Variants in ACADL observed in about 807,000 individuals in gnomAD.
ACADL encodes the protein long-chain specific acyl-CoA dehydrogenase, mitochondrial.
ACADL carries 60 observed loss-of-function variants against 56.9 expected under a neutral mutation model. The ratio of observed to expected loss-of-function variants is 1.05; its 90% confidence interval spans 0.86 to 1.31. The LOEUF is 1.31. Among genes scored for constraint, ACADL ranks in the 50% most tolerant of loss-of-function variants. The pLI is 0.00. For missense variants in ACADL, 484 were observed against 525.5 expected, an observed-to-expected ratio of 0.92 and a Z score of 0.77; for synonymous variants, 158 against 179.7, an observed-to-expected ratio of 0.88 and a Z score of 0.97.
intron 8 of ACADL, among the ~76,000 whole-genome samples, chr2:210,196,119 G>C (rs983415162): frequency 6.6e-6 from 1 of 152,122 alleles, no homozygotes; most frequent in Non-Finnish European, 1.5e-5. Flanking sequence ...AGTCTCATGA[G>C]ATCTGATGGT....
intron 4 of ACADL, among the ~76,000 whole-genome samples, chr2:210,215,707 C>T (rs1689074711): frequency 6.6e-6 from 1 of 152,178 alleles, no homozygotes; most frequent in South Asian, 2.1e-4. Flanking sequence ...CATCTAAATT[C>T]GTTTTTCCCT....
intron 9 of ACADL, 127 bp downstream of exon 9, chr2:210,195,084 G>T (rs1391280280): frequency 3.3e-6 from 4 of 1,195,770 alleles, no homozygotes; most frequent in Non-Finnish European, 4.8e-6. Context: ...TTTTAAAGTG[G>T]AGTCTCACTT....
In ACADL at chr2:210,189,062, AATCAG is replaced by A; in HGVS notation, c.1200-13_1200-9del. ...CTGGCATCCACATAAGCTCTGGATA[AATCAG>A]ATGATTGAATGAATAAATAAAATAT... On this transcript the variant is annotated splice_polypyrimidine_tract_variant and intron_variant, in intron 10 of 10. Coordinates refer to ENST00000233710, the MANE Select transcript of ACADL (RefSeq NM_001608.4). 3.1e-6 allele frequency: 5 copies of A among 1,587,354 alleles called. No homozygotes were observed. The highest frequency in any genetic ancestry group is 4.3e-6 in the Non-Finnish European group (5 of 1,155,946).
intron 8 of ACADL, among the ~76,000 whole-genome samples, chr2:210,201,695 A>G (rs1404414239): frequency 6.6e-6 from 1 of 152,016 alleles, no homozygotes; most frequent in Non-Finnish European, 1.5e-5. Flanking sequence ...TCAAATCCCA[A>G]CTCCAGGTTT....
intron 4 of ACADL, among the ~76,000 whole-genome samples, chr2:210,214,503 G>GAAAGAAAGAAAGAA (rs1553691033): frequency 2.0e-5 from 3 of 150,510 alleles, no homozygotes; most frequent in South Asian, 4.2e-4. Context: ...AAGAAAGAAA[G>GAAAGAAAGAAAGAA]AAAGAAAAAG....
At chr2:210,217,219 T>C (rs1034160412) in intron 3 of ACADL, among the ~76,000 whole-genome samples, 5 of 152,174 alleles carry the variant, frequency 3.3e-5, no homozygotes, top group Admixed American at 2.0e-4. Context: ...AACATGACAA[T>C]GATTTCTGAA....
chr2:210,205,488 T>C (rs1688870026), intron 6 of ACADL, 144 bp downstream of exon 6: 3 of 760,416 alleles, frequency 3.9e-6, no homozygotes, highest in Non-Finnish European at 6.5e-6. Context: ...TGAGAATAAA[T>C]CTCATTACCA....
At chr2:210,203,978 A>G (rs1195130555) in intron 7 of ACADL, among the ~76,000 whole-genome samples, 2 of 152,220 alleles carry the variant, frequency 1.3e-5, no homozygotes, top group Admixed American at 1.3e-4. Flanking sequence ...GTGGAAATAA[A>G]CATCTTAAAG....
Position 210,205,659 on chromosome 2 carries a change from C to G in ACADL, c.741G>C (p.Lys247Asn). 6.2e-7 allele frequency: 1 copy of G among 1,613,882 alleles called. No homozygotes were observed. Among genetic ancestry groups the G allele is most frequent in the Non-Finnish European group, 8.5e-7 (1 of 1,179,904 alleles). ...NGMKGFIKGR[K>N]LHKMGLKAQD... ...GGGCTTTTAATCCCATTTTATGTAG[C>G]TTTCGTCCCTTGATAAATCCTTTCA... The change falls in exon 6 of 11, where the codon AAG becomes AAC. Residue 247 changes from lysine (K) to asparagine (N), a missense_variant. Lys to Asn is a moderately conservative substitution (Grantham distance 94). Transcript: ENST00000233710.
chr2:210,212,399 C>G (rs1027067647), intron 4 of ACADL, among the ~76,000 whole-genome samples: 1 of 152,008 alleles, frequency 6.6e-6, no homozygotes, highest in Non-Finnish European at 1.5e-5. Context: ...GCAAAGACTG[C>G]AGTGACGAGG....
Position 210,204,559 on chromosome 2 carries a change from G to A in ACADL, c.870+22C>T. 4 of 1,458,890 alleles carry A rather than the reference G, an allele frequency of 2.7e-6. No homozygotes were observed. The South Asian group carries it at 4.6e-5, about 17-fold the overall frequency. The allele number at this position is 1,458,890 out of a possible 1,614,324, so 90.4% of individuals were successfully genotyped here. A position where few individuals can be genotyped will look rare whatever the true frequency, so the allele number is the denominator to read the frequency against. On this transcript the variant is annotated intron_variant, in intron 7 of 10. Transcript: ENST00000233710. ...CCAATTCATTATTCAGTCAAAAGAT[G>A]GAATCTTTAAACACTTCTGACCTGT...
intron 3 of ACADL, 130 bp from the exon 4 acceptor site, chr2:210,216,641 C>G (rs1689091516): frequency 1.2e-6 from 1 of 850,288 alleles, no homozygotes. Flanking sequence ...CTATGACATT[C>G]CTGAGTGTTT....
chr2:210,218,183 T>G, intron 2 of ACADL, 81 bp from the exon 3 acceptor site: 1 of 1,364,028 alleles, frequency 7.3e-7, no homozygotes, highest in Non-Finnish European at 1.0e-6. Flanking sequence ...ATGAATGATT[T>G]TGTGTAGAAA....
chr2:210,188,516 G>A lies in ACADL; in HGVS notation c.*445C>T, dbSNP rs772070958. Reference sequence around the variant, plus strand: ...TACAGTGGTAAAAACCACTGTTCTAGGGAATTTGGAGCAAATGGTAGCCGA... The same window carrying A: ...TACAGTGGTAAAAACCACTGTTCTAAGGAATTTGGAGCAAATGGTAGCCGA... On this transcript the variant is annotated 3_prime_UTR_variant, in exon 11 of 11. Transcript: ENST00000233710. 2.3e-4 allele frequency: 39 copies of A among 172,046 alleles called. No homozygotes were observed. The highest frequency in any genetic ancestry group is 2.2e-3 in the Admixed American group (38 of 17,312). 10.7% of individuals were successfully genotyped at this position (172,046 alleles called of 1,614,324 possible).
At chr2:210,189,231 A>C (rs1235417703) in intron 10 of ACADL, among the ~76,000 whole-genome samples, 177 bp from the exon 11 acceptor site, 1 of 151,736 alleles carries the variant, frequency 6.6e-6, no homozygotes, top group African/African-American at 2.4e-5. Flanking sequence ...AGTAAAAAAA[A>C]CTATTAAGAT....
intron 1 of ACADL, among the ~76,000 whole-genome samples, chr2:210,221,918 CG>C (rs1206843007): frequency 2.6e-5 from 4 of 151,848 alleles, no homozygotes; most frequent in Non-Finnish European, 5.9e-5. Context: ...TTAGTAGAGA[CG>C]GGGTTTCACC....
At position 210,218,067 on chromosome 2, in the gene ACADL, C is replaced by T. The variant is rs1292324815; in HGVS notation, c.269G>A (p.Trp90Ter). 6.2e-7 allele frequency: 1 copy of T among 1,613,876 alleles called. No individual in the cohort carries two copies. Among genetic ancestry groups the T allele is most frequent in the Non-Finnish European group, 8.5e-7 (1 of 1,179,962 alleles). The change falls in exon 3 of 11, where the codon TGG becomes TAG. Residue 90 changes from tryptophan (W) to a stop codon, truncating the protein, a stop_gained. Coordinates refer to ENST00000233710, the MANE Select transcript of ACADL (RefSeq NM_001608.4). LOFTEE classifies it high-confidence loss of function. ...EKAGEVSREV[W>*]EKAGKQGLLG... ...CAGTCCTTGTTTTCCAGCTTTTTCC[C>T]AAACCTCCCTACTTACTTCTCCAGC...
intron 1 of ACADL, chr2:210,224,396 T>TAC (rs1366143340): frequency 2.0e-6 from 2 of 985,174 alleles, no homozygotes; most frequent in African/African-American, 3.5e-5. Flanking sequence ...TAGAGTAGCT[T>TAC]ACACCAATGC....
At chr2:210,201,506 T>C (rs1364129242) in intron 8 of ACADL, among the ~76,000 whole-genome samples, 1 of 152,180 alleles carries the variant, frequency 6.6e-6, no homozygotes, top group Non-Finnish European at 1.5e-5. Context: ...AATAGGAAAC[T>C]ATTTTTGAGA....
Sources: gnomAD v4.1 joint callset for allele counts (sites outside exome capture counted in the v4.1 genomes callset) on GRCh38, gnomAD v4.1.1 for gene constraint, MANE v1.5 for transcripts, NCBI Gene and HGNC (gene_info 2026-07-23, HGNC 2026-07-21) for gene names.